Variants in AOPEP observed in about 807,000 individuals in gnomAD.
The protein encoded by AOPEP is aminopeptidase O (putative).
Under a neutral mutation model 98.1 loss-of-function variants are expected in AOPEP, and 77 were observed. The observed-to-expected ratio is 0.78, with a 90% CI of 0.65 to 0.95. AOPEP has a LOEUF of 0.95. Ranked by LOEUF, AOPEP falls within the 40% of genes least tolerant of loss-of-function variation. The pLI, the probability that AOPEP is intolerant of heterozygous loss-of-function variation, is 0.00. For synonymous variants in AOPEP, 346 were observed against 365.3 expected (o/e 0.95, Z 0.60); for missense variants, 1,024 against 1,024.7 (o/e 1.00, Z 0.01).
intron 5 of AOPEP, among the ~76,000 whole-genome samples, chr9:94,828,231 C>T (rs1855080105): frequency 6.6e-6 from 1 of 152,190 alleles, no homozygotes; most frequent in African/African-American, 2.4e-5. Flanking sequence ...CCCAATTTAT[C>T]TACTTTGTTC....
chr9:94,894,761 T>C (rs2049277871), intron 5 of AOPEP, among the ~76,000 whole-genome samples: 1 of 152,208 alleles, frequency 6.6e-6, no homozygotes. Context: ...TACTATAAGC[T>C]ACTCTTATTT....
At position 94,760,238 on chromosome 9, in the gene AOPEP, CTG is replaced by C; in HGVS notation, c.459_460del (p.Leu154LysfsTer21). 6.2e-7 allele frequency: 1 copy of C among 1,614,116 alleles called. No homozygotes were observed. The highest frequency in any genetic ancestry group is 8.5e-7 in the Non-Finnish European group (1 of 1,180,020). ...CTAGTGTTGGACTGCTGTGATTTAT[CTG>C]TGTTAAAAGTCGAGGAGGTGGATGT... On this transcript the variant is annotated frameshift_variant, in exon 2 of 17. Transcript: ENST00000375315. LOFTEE classifies it high-confidence loss of function.
intron 6 of AOPEP, among the ~76,000 whole-genome samples, chr9:94,927,965 A>G (rs1344071395): frequency 6.6e-6 from 1 of 152,220 alleles, no homozygotes; most frequent in African/African-American, 2.4e-5. Flanking sequence ...AGTTATGTGC[A>G]CACAGAATCA....
At chr9:94,975,439 G>A (rs933190963) in intron 10 of AOPEP, among the ~76,000 whole-genome samples, 2 of 152,158 alleles carry the variant, frequency 1.3e-5, no homozygotes, top group African/African-American at 4.8e-5. Context: ...AATAGTGTCT[G>A]TGTGTGCAAG....
At chr9:94,976,665 T>C (rs1170505551) in intron 10 of AOPEP, among the ~76,000 whole-genome samples, 1 of 151,820 alleles carries the variant, frequency 6.6e-6, no homozygotes, top group South Asian at 2.1e-4. Context: ...TTTTTTTTTT[T>C]TTTTTTCTTT....
At chr9:95,088,146 C>T (rs1420039931), downstream of AOPEP, among the ~76,000 whole-genome samples, 3 of 151,984 alleles carry the variant, frequency 2.0e-5, no homozygotes, top group East Asian at 1.9e-4. Context: ...AATACACGAC[C>T]GCGGCTTCCT....
chr9:95,107,237 C>T, the AOPEP span: 1 of 1,614,104 alleles, frequency 6.2e-7, no homozygotes, highest in South Asian at 1.1e-5. Context: ...TGGACATTGC[C>T]AGGAGGTGGC....
intron 3 of AOPEP, among the ~76,000 whole-genome samples, chr9:94,778,599 T>A (rs1362551250): frequency 1.3e-5 from 2 of 152,170 alleles, no homozygotes; most frequent in East Asian, 3.9e-4. Context: ...AGATCAGTGG[T>A]TGGCTGGAAT....
At chr9:95,012,464 T>C (rs2062604902) in intron 13 of AOPEP, among the ~76,000 whole-genome samples, 1 of 152,226 alleles carries the variant, frequency 6.6e-6, no homozygotes, top group Non-Finnish European at 1.5e-5. Context: ...TAGTTACTTT[T>C]ATAGGCAGTA....
At chr9:95,009,597 C>T (rs1206243622) in intron 13 of AOPEP, among the ~76,000 whole-genome samples, 2 of 152,154 alleles carry the variant, frequency 1.3e-5, no homozygotes, top group Non-Finnish European at 2.9e-5. Context: ...CTAAGGTTGG[C>T]TATTACGTGT....
At chr9:95,012,181 G>T (rs1030503459) in intron 13 of AOPEP, among the ~76,000 whole-genome samples, 1 of 152,170 alleles carries the variant, frequency 6.6e-6, no homozygotes. Context: ...AGAATGCTTT[G>T]GGCAATATTT....
chr9:95,045,775 G>A (rs2065809272), intron 13 of AOPEP, among the ~76,000 whole-genome samples: 1 of 152,204 alleles, frequency 6.6e-6, no homozygotes. Context: ...ACAGATAGAT[G>A]TCCATGTAAC....
chr9:94,759,712 T>G lies in AOPEP; in HGVS notation c.-72T>G. On this transcript the variant is annotated 5_prime_UTR_variant, in exon 2 of 17. Coordinates refer to ENST00000375315, the MANE Select transcript of AOPEP (RefSeq NM_001193329.3). Reference sequence around the variant, plus strand: ...TTCTTTGATAAGCAGCTATTTATGATTCTGGAAGATTAAGGCAGATAGGAA... The same window carrying G: ...TTCTTTGATAAGCAGCTATTTATGAGTCTGGAAGATTAAGGCAGATAGGAA... The G allele has an allele frequency of 8.3e-7, 1 of 1,197,650 alleles. No individual in the cohort carries two copies. Among genetic ancestry groups the G allele is most frequent in the Non-Finnish European group, 1.2e-6 (1 of 849,682 alleles). 74.2% of individuals were successfully genotyped at this position (1,197,650 alleles called of 1,614,324 possible).
the AOPEP span, chr9:95,100,120 G>A: frequency 3.0e-5 from 7 of 232,498 alleles, no homozygotes; most frequent in Non-Finnish European, 5.9e-5. Context: ...CTCCAGTGAA[G>A]CATGCAGCTC....
At chr9:95,114,730 C>T in the AOPEP span, 33 of 1,606,454 alleles carry the variant, frequency 2.1e-5, no homozygotes, top group African/African-American at 2.7e-5. Context: ...GAGAGAGATA[C>T]GTCAGAGGGC....
chr9:94,801,524 C>T (rs752572562), intron 5 of AOPEP, among the ~76,000 whole-genome samples: 1 of 152,212 alleles, frequency 6.6e-6, no homozygotes, highest in Admixed American at 6.5e-5. Context: ...TCTATCCCTA[C>T]TGCTAGAAAA....
At chr9:95,010,731 C>T (rs1383806633) in intron 13 of AOPEP, among the ~76,000 whole-genome samples, 1 of 152,198 alleles carries the variant, frequency 6.6e-6, no homozygotes, top group East Asian at 1.9e-4. Context: ...TTTTCCCTCC[C>T]TTCATCCCTT....
intron 14 of AOPEP, among the ~76,000 whole-genome samples, chr9:95,071,815 T>C (rs2068540567): frequency 6.6e-6 from 1 of 152,216 alleles, no homozygotes; most frequent in Non-Finnish European, 1.5e-5. Context: ...GTCTCCAGTA[T>C]TGGGGTACTC....
At chr9:94,958,322 G>T (rs1487835206) in intron 9 of AOPEP, among the ~76,000 whole-genome samples, 2 of 151,906 alleles carry the variant, frequency 1.3e-5, no homozygotes, top group Non-Finnish European at 2.9e-5. Context: ...TCATCTTTTG[G>T]CCATTGTGAA....
Sources: allele counts gnomAD v4.1 joint callset (sites outside exome capture counted in the v4.1 genomes callset), GRCh38; gene constraint gnomAD v4.1.1; transcripts MANE v1.5; gene names NCBI Gene and HGNC (gene_info 2026-07-23, HGNC 2026-07-21).